The following CLSTN2 variants were observed in gnomAD, a reference collection of about 807,000 sequenced individuals.
CLSTN2 encodes the protein calsyntenin-2.
CLSTN2 carries 48 observed loss-of-function variants against 101.2 expected under a neutral mutation model. The ratio of observed to expected loss-of-function variants is 0.47; its 90% CI spans 0.38 to 0.60. The LOEUF is 0.60. CLSTN2 is among the 20% of genes least tolerant of loss of function. CLSTN2 has a pLI of 0.00. For missense variants in CLSTN2, 1,160 were observed against 1,238.2 expected (o/e 0.94, Z 0.95); for synonymous variants, 481 against 463.6 (o/e 1.04, Z -0.48).
intron 1 of CLSTN2, among the ~76,000 whole-genome samples, chr3:140,124,199 A>T (rs2107800817): frequency 6.6e-6 from 1 of 152,270 alleles, no homozygotes; most frequent in East Asian, 1.9e-4. Context: ...AACTGAGTGT[A>T]TTGAAAAATA....
chr3:140,124,167 A>G (rs2009392330), intron 1 of CLSTN2, among the ~76,000 whole-genome samples: 1 of 152,196 alleles, frequency 6.6e-6, no homozygotes, highest in Non-Finnish European at 1.5e-5. Context: ...GAGGAAAAGC[A>G]CATGCAAAGA....
At chr3:140,552,699 T>C (rs1170044130) in intron 10 of CLSTN2, among the ~76,000 whole-genome samples, 1 of 152,094 alleles carries the variant, frequency 6.6e-6, no homozygotes, top group Non-Finnish European at 1.5e-5. Context: ...GAGACCAACC[T>C]CCACTGCAGA....
At chr3:140,186,930 C>T (rs1003645536) in intron 2 of CLSTN2, among the ~76,000 whole-genome samples, 1 of 152,072 alleles carries the variant, frequency 6.6e-6, no homozygotes, top group Admixed American at 6.6e-5. Context: ...AAAAACAAAA[C>T]AAAACAAATT....
At chr3:140,071,292 T>C (rs1397842168) in intron 1 of CLSTN2, among the ~76,000 whole-genome samples, 1 of 152,012 alleles carries the variant, frequency 6.6e-6, no homozygotes, top group Non-Finnish European at 1.5e-5. Flanking sequence ...ATGGGTACAA[T>C]AGTCAGTAAA....
chr3:139,959,620 C>T (rs920055539), intron 1 of CLSTN2, among the ~76,000 whole-genome samples: 1 of 152,034 alleles, frequency 6.6e-6, no homozygotes, highest in East Asian at 1.9e-4. Context: ...GGTGATCACC[C>T]CTTCTTTCCT....
chr3:140,125,080 T>C (rs2009407876), intron 1 of CLSTN2, among the ~76,000 whole-genome samples: 1 of 152,052 alleles, frequency 6.6e-6, no homozygotes, highest in Admixed American at 6.6e-5. Flanking sequence ...ATGCAAGTGA[T>C]TCATGACATT....
intron 2 of CLSTN2, among the ~76,000 whole-genome samples, chr3:140,228,189 C>A (rs2086340266): frequency 6.6e-6 from 1 of 152,186 alleles, no homozygotes. Flanking sequence ...CCTTTAACAG[C>A]ACCCAAGTCA....
chr3:140,122,783 T>G (rs2009364785), intron 1 of CLSTN2, among the ~76,000 whole-genome samples: 2 of 152,188 alleles, frequency 1.3e-5, no homozygotes, highest in Non-Finnish European at 2.9e-5. Context: ...GTCAGATGTT[T>G]TAGGCTTTGT....
intron 1 of CLSTN2, among the ~76,000 whole-genome samples, chr3:140,025,781 T>C (rs2007407518): frequency 6.6e-6 from 1 of 152,180 alleles, no homozygotes; most frequent in Non-Finnish European, 1.5e-5. Flanking sequence ...TGCATGAGGT[T>C]GGATTTGCTT....
intron 2 of CLSTN2, among the ~76,000 whole-genome samples, chr3:140,240,473 G>A (rs1215952775): frequency 6.6e-6 from 1 of 151,846 alleles, no homozygotes; most frequent in Non-Finnish European, 1.5e-5. Flanking sequence ...CCAGCTATGT[G>A]AACTTTGGCA....
At chr3:140,322,432 C>CA (rs1419963102) in intron 2 of CLSTN2, among the ~76,000 whole-genome samples, 1 of 152,096 alleles carries the variant, frequency 6.6e-6, no homozygotes, top group Admixed American at 6.6e-5. Flanking sequence ...AGATGGAGGA[C>CA]AAGAGAGCCA....
intron 1 of CLSTN2, among the ~76,000 whole-genome samples, chr3:140,063,497 T>C (rs2008245940): frequency 6.6e-6 from 1 of 152,180 alleles, no homozygotes; most frequent in African/African-American, 2.4e-5. Flanking sequence ...TGATATGCAT[T>C]GCAGTCTCCA....
intron 1 of CLSTN2, among the ~76,000 whole-genome samples, chr3:140,147,130 C>G (rs995659299): frequency 2.0e-5 from 3 of 152,170 alleles, no homozygotes; most frequent in African/African-American, 7.2e-5. Flanking sequence ...TAGATAGTAA[C>G]AAGGAAATAC....
intron 1 of CLSTN2, among the ~76,000 whole-genome samples, chr3:139,988,855 A>G (rs1936071911): frequency 6.6e-6 from 1 of 152,196 alleles, no homozygotes; most frequent in Admixed American, 6.5e-5. Context: ...AACAAATTCC[A>G]TTAGGAGTTT....
intron 2 of CLSTN2, among the ~76,000 whole-genome samples, chr3:140,271,613 G>T (rs1439278750): frequency 1.3e-5 from 2 of 152,052 alleles, no homozygotes; most frequent in Non-Finnish European, 1.5e-5. Context: ...TTTCATAAGG[G>T]CACTAATCCC....
intron 2 of CLSTN2, among the ~76,000 whole-genome samples, chr3:140,202,358 C>T (rs886973475): frequency 2.6e-5 from 4 of 152,074 alleles, no homozygotes; most frequent in Admixed American, 1.3e-4. Context: ...TTTGGAAGGC[C>T]GAGCTAACAG....
chr3:140,532,247 CT>C, intron 8 of CLSTN2, 76 bp from the exon 9 acceptor site: 1 of 1,265,214 alleles, frequency 7.9e-7, no homozygotes, highest in Non-Finnish European at 1.1e-6. Flanking sequence ...TGTTGTTCTC[CT>C]TTCATAGAGT....
chr3:140,157,757 T>C (rs2009978943), intron 1 of CLSTN2, among the ~76,000 whole-genome samples: 1 of 152,190 alleles, frequency 6.6e-6, no homozygotes, highest in African/African-American at 2.4e-5. Context: ...ATTTAGTTAT[T>C]TATTTTCTTC....
chr3:140,536,888 T>C (rs1935370701), intron 9 of CLSTN2, among the ~76,000 whole-genome samples: 1 of 152,178 alleles, frequency 6.6e-6, no homozygotes, highest in Non-Finnish European at 1.5e-5. Context: ...GACCAAACCC[T>C]GGGACACCAC....
Sources: allele counts gnomAD v4.1 joint callset (sites outside exome capture counted in the v4.1 genomes callset), GRCh38; gene constraint gnomAD v4.1.1; transcripts MANE v1.5; gene names NCBI Gene and HGNC (gene_info 2026-07-23, HGNC 2026-07-21).